Variants in LINGO2 observed in about 807,000 individuals in gnomAD.
The protein encoded by LINGO2 is leucine rich repeat and Ig domain containing 2.
In LINGO2, 14 loss-of-function variants were observed where a neutral mutation model predicts 30.6. That is an observed-to-expected ratio of 0.46 (90% CI 0.30 to 0.72). LINGO2 has a LOEUF of 0.72. Among genes scored for constraint, LINGO2 ranks in the 30% least tolerant of loss-of-function variants. The pLI is 0.07. For missense variants in LINGO2, 729 were observed against 751.7 expected, an observed-to-expected ratio of 0.97 and a Z score of 0.35; for synonymous variants, 317 against 288.5, an observed-to-expected ratio of 1.10 and a Z score of -1.00.
At chr9:28,820,660 T>C in the LINGO2 span, among the ~76,000 whole-genome samples, 1 of 152,180 alleles carries the variant, frequency 6.6e-6, no homozygotes, top group Non-Finnish European at 1.5e-5. Flanking sequence ...CAGGAAAATA[T>C]AATGGATCTC....
chr9:27,973,813 A>G (rs1033068493), intron 5 of LINGO2, among the ~76,000 whole-genome samples: 1 of 152,190 alleles, frequency 6.6e-6, no homozygotes, highest in Non-Finnish European at 1.5e-5. Context: ...TCATTCACCA[A>G]TCTTTTGGGT....
At chr9:28,051,799 A>G (rs913395373) in intron 4 of LINGO2, among the ~76,000 whole-genome samples, 1 of 152,136 alleles carries the variant, frequency 6.6e-6, no homozygotes, top group South Asian at 2.1e-4. Context: ...AACAGATTTC[A>G]TCAAGAATAG....
chr9:29,111,152 A>C, the LINGO2 span, among the ~76,000 whole-genome samples: 1 of 152,150 alleles, frequency 6.6e-6, no homozygotes, highest in Non-Finnish European at 1.5e-5. Context: ...CACTGTATAC[A>C]TTTTTTAAAT....
chr9:28,906,518 G>C, the LINGO2 span, among the ~76,000 whole-genome samples: 1 of 151,852 alleles, frequency 6.6e-6, no homozygotes, highest in Non-Finnish European at 1.5e-5. Context: ...AAGTGAAATA[G>C]CCTCATTCAC....
At chr9:28,449,329 G>A (rs1824555461) in intron 2 of LINGO2, among the ~76,000 whole-genome samples, 1 of 151,942 alleles carries the variant, frequency 6.6e-6, no homozygotes, top group Non-Finnish European at 1.5e-5. Flanking sequence ...TGCATATTCT[G>A]CCATAGTATC....
chr9:28,491,106 A>C (rs190557942), intron 1 of LINGO2, among the ~76,000 whole-genome samples: 2 of 152,206 alleles, frequency 1.3e-5, no homozygotes, highest in Non-Finnish European at 2.9e-5. Context: ...CCATTGTAAC[A>C]AATTACTACA....
At chr9:28,800,266 T>C in the LINGO2 span, among the ~76,000 whole-genome samples, 1 of 152,110 alleles carries the variant, frequency 6.6e-6, no homozygotes, top group African/African-American at 2.4e-5. Flanking sequence ...TCTTCTGAGT[T>C]GAACTCGATT....
chr9:28,161,500 T>A (rs1457178430), intron 4 of LINGO2, among the ~76,000 whole-genome samples: 1 of 152,144 alleles, frequency 6.6e-6, no homozygotes, highest in African/African-American at 2.4e-5. Context: ...AATTATTTAG[T>A]ATAAGTGTAA....
chr9:28,787,849 TTTAAA>T, the LINGO2 span, among the ~76,000 whole-genome samples: 1 of 152,310 alleles, frequency 6.6e-6, no homozygotes, highest in Admixed American at 6.5e-5. Flanking sequence ...TATTTTTAAC[TTTAAA>T]TTACATGGTG....
At chr9:28,269,365 G>GAACATT (rs1482599447) in intron 4 of LINGO2, among the ~76,000 whole-genome samples, 1 of 151,958 alleles carries the variant, frequency 6.6e-6, no homozygotes, top group African/African-American at 2.4e-5. Context: ...TTTCTAAAGG[G>GAACATT]AACATTAAGT....
At chr9:28,269,961 T>TTAAG (rs1822883460) in intron 4 of LINGO2, among the ~76,000 whole-genome samples, 1 of 152,024 alleles carries the variant, frequency 6.6e-6, no homozygotes, top group African/African-American at 2.4e-5. Flanking sequence ...ATGCAATGAG[T>TTAAG]TAAGTGCCAC....
At chr9:28,696,102 T>C in the LINGO2 span, among the ~76,000 whole-genome samples, 3 of 151,934 alleles carry the variant, frequency 2.0e-5, no homozygotes, top group Non-Finnish European at 4.4e-5. Context: ...CCTTTCAATG[T>C]CAGCCTCTTT....
At chr9:28,181,633 A>G (rs940381972) in intron 4 of LINGO2, among the ~76,000 whole-genome samples, 15 of 152,284 alleles carry the variant, frequency 9.9e-5, no homozygotes, top group Admixed American at 9.8e-4. Flanking sequence ...ATGTTTTCAA[A>G]TTGACAGCAA....
In LINGO2 at chr9:28,182,819, G is replaced by A. The variant is rs143734448; in HGVS notation, c.-87+112389C>T. 8.2e-3 allele frequency among the ~76,000 whole-genome samples: 1,242 copies of A among 152,246 alleles called. 21 individuals are homozygous for A. Among genetic ancestry groups the A allele is most frequent in the African/African-American group, 0.028 (1,184 of 41,552 alleles). On this transcript the variant is annotated intron_variant, in intron 4 of 5. Coordinates refer to ENST00000379992, the Ensembl canonical transcript of LINGO2. Reference sequence around the variant, plus strand: ...AAGTCAGGAAACAACAGATGCTGGCGAGGCTGTGAAGAAATATGAACACTT... The same window carrying A: ...AAGTCAGGAAACAACAGATGCTGGCAAGGCTGTGAAGAAATATGAACACTT...
chr9:29,085,942 C>T, the LINGO2 span, among the ~76,000 whole-genome samples: 1 of 152,058 alleles, frequency 6.6e-6, no homozygotes, highest in Non-Finnish European at 1.5e-5. Context: ...CCAAATCCGT[C>T]TTATCATAGC....
intron 4 of LINGO2, among the ~76,000 whole-genome samples, chr9:28,165,434 G>T (rs780302227): frequency 3.3e-5 from 5 of 152,030 alleles, no homozygotes; most frequent in Admixed American, 6.6e-5. Flanking sequence ...ATCACTCCCA[G>T]GTTTTACATA....
the LINGO2 span, among the ~76,000 whole-genome samples, chr9:28,747,806 G>A: frequency 6.6e-6 from 1 of 152,070 alleles, no homozygotes; most frequent in African/African-American, 2.4e-5. Flanking sequence ...AGCCCAATTC[G>A]ATGTCATAAT....
intron 3 of LINGO2, among the ~76,000 whole-genome samples, chr9:28,351,765 A>T (rs1819904915): frequency 6.6e-6 from 1 of 152,178 alleles, no homozygotes; most frequent in Admixed American, 6.5e-5. Context: ...AATACTGGCA[A>T]AACGAATCCA....
chr9:28,318,114 A>G (rs1824909174), intron 3 of LINGO2, among the ~76,000 whole-genome samples: 1 of 152,206 alleles, frequency 6.6e-6, no homozygotes, highest in South Asian at 2.1e-4. Flanking sequence ...CACTGAGTTA[A>G]TATCAGGCTA....
Sources: allele counts gnomAD v4.1 joint callset (sites outside exome capture counted in the v4.1 genomes callset), GRCh38; gene constraint gnomAD v4.1.1; transcripts MANE v1.5; gene names NCBI Gene and HGNC (gene_info 2026-07-23, HGNC 2026-07-21).